PVT1: variants seen among roughly 807,000 people sequenced by gnomAD.
PVT1 encodes CXCR4/PVT1 fusion.
At chr8:127,838,533 C>T (rs533169527) in intron 2 of PVT1, among the ~76,000 whole-genome samples, 24 of 152,156 alleles carry the variant, frequency 1.6e-4, no homozygotes, top group African/African-American at 5.8e-4. Flanking sequence ...GGTGAAACCC[C>T]GTTTCTACTA....
chr8:127,925,455 C>T (rs1195553108), intron 3 of PVT1, among the ~76,000 whole-genome samples: 1 of 152,230 alleles, frequency 6.6e-6, no homozygotes, highest in East Asian at 1.9e-4. Flanking sequence ...AGAAGGTTAT[C>T]TGTAAGCATA....
rs146907024 is a variant in PVT1, at chr8:127,892,048, C to G, written n.782+1050C>G. 3.1e-3 allele frequency among the ~76,000 whole-genome samples: 469 copies of G among 152,318 alleles called. 1 individual carries two copies. Among genetic ancestry groups the G allele is most frequent in the Middle Eastern group, 0.017 (5 of 294 alleles). On this transcript the variant is annotated intron_variant and non_coding_transcript_variant, in intron 3 of 10. Coordinates refer to ENST00000651587, the Ensembl canonical transcript of PVT1. ...AGCTCAAACAGCAAGTGGTCCAGCT[C>G]TCAGACCACTTGAGGCCACCTGGCA... is the stretch of plus-strand genomic sequence containing the variant.
rs145282884 is a variant in PVT1 at position 127,935,428 on chromosome 8, G to GGT, written n.782+44449_782+44450dup. Among the ~76,000 whole-genome samples the GGT allele has an allele frequency of 2.3e-3, 341 of 150,822 alleles. 3 individuals carry two copies. The highest frequency in any genetic ancestry group is 7.1e-3 in the African/African-American group (290 of 41,102). On this transcript the variant is annotated intron_variant and non_coding_transcript_variant, in intron 3 of 10. Coordinates refer to ENST00000651587, the Ensembl canonical transcript of PVT1. ...TATCTATTTAGAGAGGCCAGGTCAGGGTGTGTGTGTGTGTGTGTGTCTTTT... is the reference window on the plus strand; with the variant it reads ...TATCTATTTAGAGAGGCCAGGTCAGGGTGTGTGTGTGTGTGTGTGTGTCTTTT...
intron 4 of PVT1, among the ~76,000 whole-genome samples, chr8:128,001,346 C>T (rs185632918): frequency 1.3e-5 from 2 of 152,112 alleles, no homozygotes; most frequent in African/African-American, 4.8e-5. Flanking sequence ...GGGTGTGTGA[C>T]CATGCAGGGT....
At chr8:127,951,938 C>A (rs138253050) in intron 3 of PVT1, among the ~76,000 whole-genome samples, 1,733 of 152,046 alleles carry the variant, frequency 0.011, 24 homozygotes, top group African/African-American at 0.041. Flanking sequence ...GCCTCAGCCT[C>A]CCGAGTAGCT....
At chr8:127,796,172 T>C (rs1197630709) in intron 2 of PVT1, 2 of 164,392 alleles carry the variant, frequency 1.2e-5, no homozygotes, top group African/African-American at 4.8e-5. Context: ...TTATTCTTGT[T>C]GCCTCATCTA....
chr8:127,831,899 C>CT (rs1162773653), intron 2 of PVT1, among the ~76,000 whole-genome samples: 1 of 152,186 alleles, frequency 6.6e-6, no homozygotes, highest in Non-Finnish European at 1.5e-5. Context: ...TCTTCATTGC[C>CT]TTTTGCTCTT....
chr8:127,888,329 G>A (rs1673187723), intron 2 of PVT1, among the ~76,000 whole-genome samples: 1 of 152,152 alleles, frequency 6.6e-6, no homozygotes, highest in Non-Finnish European at 1.5e-5. Context: ...TCTGTGCATT[G>A]TGGGCAGGGT....
At chr8:127,805,611 C>T (rs1249708517) in intron 2 of PVT1, among the ~76,000 whole-genome samples, 3 of 152,084 alleles carry the variant, frequency 2.0e-5, no homozygotes, top group African/African-American at 2.4e-5. Flanking sequence ...TTTCTTCACT[C>T]TCATTTATTG....
chr8:128,026,221 G>A (rs541151750), intron 4 of PVT1, among the ~76,000 whole-genome samples: 71 of 152,284 alleles, frequency 4.7e-4, no homozygotes, highest in African/African-American at 1.7e-3. Flanking sequence ...GGGATTACAG[G>A]CGTGAGCCAC....
chr8:127,904,574 G>T (rs1461037295), intron 3 of PVT1, among the ~76,000 whole-genome samples: 1 of 152,156 alleles, frequency 6.6e-6, no homozygotes, highest in African/African-American at 2.4e-5. Context: ...GCCAATACCT[G>T]GGAAAATAAT....
intron 4 of PVT1, among the ~76,000 whole-genome samples, chr8:128,008,098 G>A (rs974563860): frequency 2.0e-5 from 3 of 152,210 alleles, no homozygotes; most frequent in Admixed American, 6.5e-5. Flanking sequence ...TGTGACAATC[G>A]TTGCATTTAC....
chr8:128,075,257 T>A (rs1169313181), intron 5 of PVT1, among the ~76,000 whole-genome samples: 1 of 152,166 alleles, frequency 6.6e-6, no homozygotes, highest in Non-Finnish European at 1.5e-5. Flanking sequence ...ATTTCTTCAT[T>A]CACCAGAGCA....
At chr8:127,886,964 T>C (rs889648973) in intron 2 of PVT1, among the ~76,000 whole-genome samples, 22 of 152,172 alleles carry the variant, frequency 1.4e-4, no homozygotes, top group African/African-American at 5.3e-4. Flanking sequence ...GCTTTTTTGT[T>C]TCAGTAGGTA....
At chr8:127,816,507 C>A (rs1204463221) in intron 2 of PVT1, among the ~76,000 whole-genome samples, 2 of 150,524 alleles carry the variant, frequency 1.3e-5, no homozygotes, top group Non-Finnish European at 3.0e-5. Context: ...AAAACCCATG[C>A]GTATTCTTTT....
intron 4 of PVT1, among the ~76,000 whole-genome samples, chr8:128,007,365 T>A (rs748512236): frequency 2.2e-4 from 34 of 152,224 alleles, no homozygotes; most frequent in Non-Finnish European, 4.3e-4. Flanking sequence ...CAAGGCTAAA[T>A]GGAATTTCTC....
chr8:128,071,012 C>G (rs918153841), intron 5 of PVT1, among the ~76,000 whole-genome samples: 1 of 152,206 alleles, frequency 6.6e-6, no homozygotes, highest in Non-Finnish European at 1.5e-5. Context: ...GATCTTCCCC[C>G]ACATCTGTTT....
At chr8:127,885,184 C>G (rs952745433) in intron 2 of PVT1, among the ~76,000 whole-genome samples, 1 of 151,860 alleles carries the variant, frequency 6.6e-6, no homozygotes. Context: ...TTGTAGGAGC[C>G]GAGGAGTGAG....
At chr8:128,015,052 T>G (rs1817355955) in intron 4 of PVT1, among the ~76,000 whole-genome samples, 1 of 143,162 alleles carries the variant, frequency 7.0e-6, no homozygotes, top group Non-Finnish European at 1.5e-5. Flanking sequence ...AAAAGAGAAA[T>G]AGATTTATTT....
Sources: gnomAD v4.1 joint callset for allele counts (sites outside exome capture counted in the v4.1 genomes callset) on GRCh38, gnomAD v4.1.1 for gene constraint, MANE v1.5 for transcripts, NCBI Gene and HGNC (gene_info 2026-07-23, HGNC 2026-07-21) for gene names.